Variants in FRAS1 observed in about 807,000 individuals in gnomAD.
FRAS1 encodes the protein extracellular matrix organizing protein FRAS1.
FRAS1 carries 290 observed loss-of-function variants against 435.2 expected under a neutral mutation model. The observed-to-expected ratio is 0.67, with a 90% CI of 0.61 to 0.73. The LOEUF is 0.73. Among genes scored for constraint, FRAS1 ranks in the 30% least tolerant of loss-of-function variants. The pLI is 0.00. For missense variants in FRAS1, 4,860 were observed against 5,001.5 expected (o/e 0.97, Z 0.85); for synonymous variants, 1,800 against 1,851.0 (o/e 0.97, Z 0.71).
chr4:78,468,974 C>T (rs1719621374), intron 50 of FRAS1, among the ~76,000 whole-genome samples: 1 of 152,200 alleles, frequency 6.6e-6, no homozygotes, highest in African/African-American at 2.4e-5. Flanking sequence ...TCTCAGTTAG[C>T]TGGTATGTCG....
At chr4:78,256,152 C>G (rs1310768558) in intron 6 of FRAS1, among the ~76,000 whole-genome samples, 7 of 152,086 alleles carry the variant, frequency 4.6e-5, no homozygotes, top group Non-Finnish European at 1.0e-4. Flanking sequence ...AATAACATAG[C>G]ATATTGTGAC....
intron 44 of FRAS1, among the ~76,000 whole-genome samples, chr4:78,448,862 G>C (rs75908048): frequency 2.6e-5 from 4 of 152,188 alleles, no homozygotes; most frequent in Admixed American, 2.6e-4. Context: ...TGACAAGTGT[G>C]AGTCTTGAAC....
At chr4:78,303,054 C>A (rs1728501032) in intron 14 of FRAS1, among the ~76,000 whole-genome samples, 1 of 152,046 alleles carries the variant, frequency 6.6e-6, no homozygotes, top group Non-Finnish European at 1.5e-5. Flanking sequence ...AGGAAGGGAT[C>A]CAGTTTCAGC....
chr4:78,323,926 C>T (rs182407007), intron 18 of FRAS1, among the ~76,000 whole-genome samples: 50 of 152,070 alleles, frequency 3.3e-4, no homozygotes, highest in African/African-American at 1.0e-3. Context: ...ATAGGACTCT[C>T]CTGGGAATCT....
intron 2 of FRAS1, among the ~76,000 whole-genome samples, chr4:78,165,881 C>G (rs1179973397): frequency 6.6e-6 from 1 of 152,134 alleles, no homozygotes; most frequent in African/African-American, 2.4e-5. Context: ...ACATACGAGG[C>G]CTCTTGGAGC....
At chr4:78,309,298 T>C (rs1319574470) in intron 15 of FRAS1, among the ~76,000 whole-genome samples, 1 of 152,206 alleles carries the variant, frequency 6.6e-6, no homozygotes. Context: ...AAGTCTGTGT[T>C]GTTTTAAGCC....
intron 2 of FRAS1, among the ~76,000 whole-genome samples, chr4:78,140,954 A>G (rs1014004024): frequency 1.3e-4 from 20 of 152,178 alleles, no homozygotes; most frequent in Non-Finnish European, 1.3e-4. Context: ...CACAAGTCAG[A>G]ACCAATGATA....
intron 37 of FRAS1, among the ~76,000 whole-genome samples, chr4:78,430,715 A>G (rs551177802): frequency 6.6e-6 from 1 of 152,296 alleles, no homozygotes; most frequent in South Asian, 2.1e-4. Context: ...ATGACACCAT[A>G]TGAGGGATCA....
At chr4:78,181,518 G>A (rs1159549076) in intron 2 of FRAS1, 7 of 1,611,514 alleles carry the variant, frequency 4.3e-6, no homozygotes, top group East Asian at 2.2e-5. Context: ...CCCATTCCAC[G>A]TCCACGGCCC....
At chr4:78,141,588 A>G (rs1720184241) in intron 2 of FRAS1, among the ~76,000 whole-genome samples, 1 of 152,188 alleles carries the variant, frequency 6.6e-6, no homozygotes, top group African/African-American at 2.4e-5. Context: ...AGTGGTTGAG[A>G]GGCTCAGAAA....
At chr4:78,071,199 G>A (rs1488795939) in intron 2 of FRAS1, 2 of 152,196 alleles carry the variant, frequency 1.3e-5, no homozygotes, top group Non-Finnish European at 2.9e-5. Flanking sequence ...CCAGGCTTTG[G>A]AGTTTGAATC....
rs79671331 is a variant in FRAS1 at position 78,399,480 on chromosome 4, C to G, written c.3976-1254C>G. ...TTGAAAACTGAACACTGGCAGCCTC[C>G]CTAGTCTCCTTCTGTGGAAAATGTC... On this transcript the variant is annotated intron_variant, in intron 29 of 73. Transcript: ENST00000512123. Among the ~76,000 whole-genome samples, 715 of 152,266 alleles carry G rather than the reference C, an allele frequency of 4.7e-3. 12 individuals are homozygous for G. The highest frequency in any genetic ancestry group is 0.024 in the East Asian group (125 of 5,186).
At chr4:78,126,477 C>T (rs1468414358) in intron 2 of FRAS1, among the ~76,000 whole-genome samples, 3 of 152,224 alleles carry the variant, frequency 2.0e-5, no homozygotes, top group Admixed American at 2.0e-4. Flanking sequence ...CACCCATCTT[C>T]TGCGTCAATC....
At chr4:78,058,486 A>T (rs1331622308) in intron 1 of FRAS1, among the ~76,000 whole-genome samples, 2 of 152,142 alleles carry the variant, frequency 1.3e-5, no homozygotes, top group African/African-American at 4.8e-5. Flanking sequence ...TGTTCCTAAG[A>T]AACATACAGT....
At chr4:78,415,038 C>A (rs1447231018) in intron 32 of FRAS1, among the ~76,000 whole-genome samples, 2 of 152,152 alleles carry the variant, frequency 1.3e-5, no homozygotes, top group Non-Finnish European at 2.9e-5. Context: ...AAACTTAATC[C>A]TATACTAGAA....
chr4:78,116,163 G>A (rs1743157454), intron 2 of FRAS1, among the ~76,000 whole-genome samples: 2 of 152,198 alleles, frequency 1.3e-5, no homozygotes, highest in Admixed American at 1.3e-4. Context: ...TTAATCCTGA[G>A]TTCTAGTTTG....
Position 78,521,614 on chromosome 4 carries a change from C to G in FRAS1, c.10632C>G (p.Thr3544=). The part of the protein sequence containing the change: ...EDGRLVIEFK[T]HAKFRGQFVM... ...GCCGTCTTGTCATTGAATTCAAGAC[C>G]CATGCCAAATTCAGAGGTAATATCA... Residue 3544 remains threonine, a synonymous_variant, in exon 68 of 74, where the codon ACC becomes ACG. Coordinates refer to ENST00000512123, the MANE Select transcript of FRAS1 (RefSeq NM_025074.7). 6.2e-7 allele frequency: 1 copy of G among 1,605,934 alleles called. No individual in the cohort carries two copies. The highest frequency in any genetic ancestry group is 8.5e-7 in the Non-Finnish European group (1 of 1,175,866).
intron 61 of FRAS1, among the ~76,000 whole-genome samples, chr4:78,506,828 G>T (rs1720862091): frequency 6.6e-6 from 1 of 152,152 alleles, no homozygotes; most frequent in Non-Finnish European, 1.5e-5. Context: ...CCTGTCTTCT[G>T]CGTCAATCAT....
Position 78,374,109 on chromosome 4 carries a change from A to C in FRAS1, c.3011-2A>C. The C allele has an allele frequency of 6.4e-7, 1 of 1,568,906 alleles. No homozygotes were observed. The highest frequency in any genetic ancestry group is 8.7e-7 in the Non-Finnish European group (1 of 1,148,380). On this transcript the variant is annotated splice_acceptor_variant, in intron 24 of 73. Coordinates refer to ENST00000512123, the MANE Select transcript of FRAS1 (RefSeq NM_025074.7). LOFTEE classifies it high-confidence loss of function. The stretch of plus-strand genomic sequence containing the variant: ...CCTGATGACTTGACTTTTGTCTTTC[A>C]GACTGTGACAGCTACTGTCTCCAGT...
Sources: allele counts gnomAD v4.1 joint callset (sites outside exome capture counted in the v4.1 genomes callset), GRCh38; gene constraint gnomAD v4.1.1; transcripts MANE v1.5; gene names NCBI Gene and HGNC (gene_info 2026-07-23, HGNC 2026-07-21).